FLT3: variants seen among roughly 807,000 people sequenced by gnomAD.
The protein encoded by FLT3 is receptor-type tyrosine-protein kinase FLT3.
FLT3 carries 46 observed loss-of-function variants against 126.6 expected under a neutral mutation model. That is an observed-to-expected ratio of 0.36 (90% CI 0.29 to 0.46). The LOEUF (loss-of-function observed/expected upper bound fraction) is 0.46, where lower values mean the gene tolerates loss of function less well. Among genes scored for constraint, FLT3 ranks in the 20% least tolerant of loss-of-function variants. The probability of loss-of-function intolerance (pLI) is 1.00; values close to 1 mark genes in which losing one functional copy is unlikely to be tolerated. For missense variants in FLT3, 1,069 were observed against 1,190.3 expected (o/e 0.90, Z 1.50); for synonymous variants, 404 against 434.4 (o/e 0.93, Z 0.87).
At chr13:28,037,715 C>A (rs902164378) in intron 9 of FLT3, among the ~76,000 whole-genome samples, 3 of 152,106 alleles carry the variant, frequency 2.0e-5, no homozygotes, top group African/African-American at 7.2e-5. Context: ...AGGTCCCCAG[C>A]CCCCCAGCCT....
chr13:28,010,792 AC>A (rs1378271177), intron 23 of FLT3, among the ~76,000 whole-genome samples: 2 of 151,930 alleles, frequency 1.3e-5, no homozygotes, highest in Non-Finnish European at 2.9e-5. Context: ...GAATCGCTTG[AC>A]CTCAGGAGTT....
intron 2 of FLT3, among the ~76,000 whole-genome samples, chr13:28,069,925 G>A (rs1877354641): frequency 6.6e-6 from 1 of 152,024 alleles, no homozygotes; most frequent in Non-Finnish European, 1.5e-5. Flanking sequence ...ATCAGCCTGG[G>A]CAACAGAGTG....
chr13:28,060,412 A>G (rs1183753768), intron 3 of FLT3, among the ~76,000 whole-genome samples: 1 of 112,014 alleles, frequency 8.9e-6, no homozygotes, highest in Non-Finnish European at 1.9e-5. Context: ...ACAGAGCAAA[A>G]CTCTGCCTCA....
chr13:28,093,571 G>A (rs1007006521), intron 1 of FLT3, among the ~76,000 whole-genome samples: 2 of 152,000 alleles, frequency 1.3e-5, no homozygotes, highest in Admixed American at 6.6e-5. Flanking sequence ...ACAACAACTC[G>A]GAATGAAATC....
intron 21 of FLT3, 73 bp downstream of exon 21, chr13:28,015,517 G>T: frequency 1.2e-6 from 1 of 802,052 alleles, no homozygotes; most frequent in South Asian, 1.4e-5. Context: ...TTGGGGGGAG[G>T]GGTGGGGCGG....
intron 1 of FLT3, among the ~76,000 whole-genome samples, chr13:28,079,167 C>G (rs1878157669): frequency 6.6e-6 from 1 of 152,202 alleles, no homozygotes; most frequent in Non-Finnish European, 1.5e-5. Context: ...CCTAAATCAT[C>G]TTTCTCAAGT....
chr13:28,077,423 C>T (rs567510929), intron 1 of FLT3, among the ~76,000 whole-genome samples: 1 of 152,226 alleles, frequency 6.6e-6, no homozygotes, highest in South Asian at 2.1e-4. Flanking sequence ...AAAAGCAGAA[C>T]CCCCTGATAA....
intron 23 of FLT3, among the ~76,000 whole-genome samples, chr13:28,014,010 C>T (rs1160950348): frequency 6.6e-6 from 1 of 152,062 alleles, no homozygotes; most frequent in African/African-American, 2.4e-5. Flanking sequence ...GGAGCTCATG[C>T]CCTGTGATCC....
intron 1 of FLT3, among the ~76,000 whole-genome samples, chr13:28,079,671 G>T (rs1232303618): frequency 1.3e-5 from 2 of 152,132 alleles, no homozygotes; most frequent in African/African-American, 4.8e-5. Context: ...AGAGAAAAAT[G>T]AGGAAGAAGC....
chr13:28,072,659 G>A (rs971276789), intron 1 of FLT3, among the ~76,000 whole-genome samples: 3 of 152,204 alleles, frequency 2.0e-5, no homozygotes, highest in Admixed American at 1.3e-4. Flanking sequence ...GCCTCCCAAA[G>A]TGCTGGGATT....
chr13:28,042,997 C>G (rs1047251483), intron 9 of FLT3, among the ~76,000 whole-genome samples: 2 of 152,056 alleles, frequency 1.3e-5, no homozygotes, highest in Non-Finnish European at 2.9e-5. Flanking sequence ...CCCTGGCTCA[C>G]CACCCAGAAC....
rs200403408 is a variant in FLT3 at position 28,018,545 on chromosome 13, G to A, written c.2463C>T (p.His821=). The change falls in exon 20 of 24, where the codon CAC becomes CAT. Residue 821 remains histidine, a synonymous_variant. Coordinates refer to ENST00000241453, the MANE Select transcript of FLT3 (RefSeq NM_004119.3). ...DLAARNVLVT[H]GKVVKICDFG... ...AGTCACATATCTTCACCACTTTCCCGTGGGTGACAAGCACGTTCCTGGCGG... is the reference window on the plus strand; with the variant it reads ...AGTCACATATCTTCACCACTTTCCCATGGGTGACAAGCACGTTCCTGGCGG... The A allele has an allele frequency of 3.9e-5, 63 of 1,613,906 alleles. No individual in the cohort carries two copies. In the South Asian group the frequency reaches 4.2e-4, roughly 11 times the overall value.
At chr13:28,039,996 A>G (rs773098731) in intron 9 of FLT3, among the ~76,000 whole-genome samples, 1 of 152,166 alleles carries the variant, frequency 6.6e-6, no homozygotes, top group Non-Finnish European at 1.5e-5. Context: ...GGCTTGGCCT[A>G]TGAAGAGTGT....
At chr13:28,052,857 G>T (rs1407380090) in intron 4 of FLT3, among the ~76,000 whole-genome samples, 183 bp from the exon 5 acceptor site, 1 of 152,150 alleles carries the variant, frequency 6.6e-6, no homozygotes, top group Non-Finnish European at 1.5e-5. Context: ...AGCTGTGGCT[G>T]CAGTGTCAAC....
rs1033477368 is a variant in FLT3, at chr13:28,010,787, G to T, written c.2859+3665C>A. 2.6e-5 allele frequency among the ~76,000 whole-genome samples: 4 copies of T among 152,052 alleles called. No individual in the cohort carries two copies. In the South Asian group the frequency reaches 8.3e-4, roughly 32 times the overall value. On this transcript the variant is annotated intron_variant, in intron 23 of 23. Transcript: ENST00000241453. ...CTTGGGAGGCCGAGGCAGGCGAATC[G>T]CTTGACCTCAGGAGTTTGAGACTAG...
At chr13:28,077,765 T>A (rs1878053809) in intron 1 of FLT3, among the ~76,000 whole-genome samples, 1 of 152,120 alleles carries the variant, frequency 6.6e-6, no homozygotes, top group Non-Finnish European at 1.5e-5. Flanking sequence ...GCAAGGCAAG[T>A]CCCTTCCACC....
chr13:28,050,032 A>T (rs1288714516), intron 6 of FLT3, 63 bp downstream of exon 6: 46 of 1,561,576 alleles, frequency 2.9e-5, no homozygotes, highest in Non-Finnish European at 3.7e-5. Context: ...AGTTACTGTT[A>T]GTCCCTGATA....
In FLT3 at chr13:28,070,494, G is replaced by C; in HGVS notation, c.162C>G (p.Pro54=). 3 of 1,608,510 alleles carry C rather than the reference G, an allele frequency of 1.9e-6. No individual in the cohort carries two copies. Among genetic ancestry groups the C allele is most frequent in the Non-Finnish European group, 2.6e-6 (3 of 1,176,438 alleles). Residue 54 remains proline, a synonymous_variant, in exon 2 of 24, where the codon CCC becomes CCG. Transcript: ENST00000241453. ...DSSVGKSSSY[P]MVSESPEDLG... ...TATAATTTTAATGTTACTTTACCAT[G>C]GGATATGATGATGACTTCCCCACTG...
chr13:28,011,531 G>C (rs1871362339), intron 23 of FLT3, among the ~76,000 whole-genome samples: 1 of 152,076 alleles, frequency 6.6e-6, no homozygotes, highest in African/African-American at 2.4e-5. Flanking sequence ...GTGCCCAGCA[G>C]AGCGGGCAAG....
Sources: gnomAD v4.1 joint callset for allele counts (sites outside exome capture counted in the v4.1 genomes callset) on GRCh38, gnomAD v4.1.1 for gene constraint, MANE v1.5 for transcripts, NCBI Gene and HGNC (gene_info 2026-07-23, HGNC 2026-07-21) for gene names.